The following MCCC1 variants were observed in gnomAD, a reference collection of about 807,000 sequenced individuals.
MCCC1 encodes the protein methylcrotonyl-CoA carboxylase subunit 1.
MCCC1 carries 64 observed loss-of-function variants against 83.8 expected under a neutral mutation model. The ratio of observed to expected loss-of-function variants is 0.76; its 90% confidence interval spans 0.62 to 0.94. MCCC1 has a LOEUF of 0.94. MCCC1 is among the 40% of genes least tolerant of loss of function. The pLI, the probability that MCCC1 is intolerant of heterozygous loss-of-function variation, is 0.00. For synonymous variants in MCCC1, 322 were observed against 315.4 expected (o/e 1.02, Z -0.22); for missense variants, 807 against 904.7 (o/e 0.89, Z 1.39).
intron 9 of MCCC1, among the ~76,000 whole-genome samples, chr3:183,049,786 T>C (rs1324762791): frequency 6.6e-6 from 1 of 152,072 alleles, no homozygotes. Flanking sequence ...ATGAACCAAT[T>C]CCTTCAAAGA....
rs1408027775 is a variant in MCCC1 at position 183,099,399 on chromosome 3, C to T, written c.42G>A (p.Ala14=). 4 of 1,605,960 alleles carry T rather than the reference C, an allele frequency of 2.5e-6. No individual in the cohort carries two copies. Among genetic ancestry groups the T allele is most frequent in the African/African-American group, 1.3e-5 (1 of 74,850 alleles). ...GGAGACGATGCCACCGGTTCCTCTCCGCCGCCACCAGCAGCACCGACACCG... is the reference window on the plus strand; with the variant it reads ...GGAGACGATGCCACCGGTTCCTCTCTGCCGCCACCAGCAGCACCGACACCG... The part of the protein sequence containing the change: ...ASAVSVLLVA[A]ERNRWHRLPS... The change falls in exon 1 of 19, where the codon GCG becomes GCA. Residue 14 remains alanine (A), a synonymous_variant. Transcript: ENST00000265594.
At chr3:183,030,088 G>A (rs1712928758) in intron 14 of MCCC1, among the ~76,000 whole-genome samples, 1 of 152,104 alleles carries the variant, frequency 6.6e-6, no homozygotes, top group African/African-American at 2.4e-5. Flanking sequence ...TGGGCGGATA[G>A]CCTGAGGTCA....
intron 7 of MCCC1, among the ~76,000 whole-genome samples, chr3:183,059,405 T>C (rs1715662678): frequency 6.6e-6 from 1 of 152,250 alleles, no homozygotes; most frequent in African/African-American, 2.4e-5. Context: ...TTAATAAAAT[T>C]CTTGGAGCTG....
At chr3:183,099,018 G>A in intron 1 of MCCC1, 1 of 490,708 alleles carries the variant, frequency 2.0e-6, no homozygotes, top group Non-Finnish European at 3.7e-6. Context: ...CCACCTAAGG[G>A]GTGCTGCGAA....
In MCCC1 at chr3:183,052,039, C is replaced by T. The variant is rs141467938; in HGVS notation, c.955+120G>A. On this transcript the variant is annotated intron_variant, in intron 9 of 18. Coordinates refer to ENST00000265594, the MANE Select transcript of MCCC1 (RefSeq NM_020166.5). The stretch of plus-strand genomic sequence containing the variant: ...GTCTCAATATAAAATGTATTTCTTA[C>T]TGTGAATATGGTCAAAACAGCTTGA... The T allele has an allele frequency of 6.7e-5, 56 of 836,650 alleles. 1 individual carries two copies. The highest frequency in any genetic ancestry group is 2.3e-4 in the East Asian group (9 of 38,568). The allele number at this position is 836,650 out of a possible 1,614,324, so 51.8% of individuals were successfully genotyped here.
chr3:183,110,393 A>ATTTTT (rs57833543), intron 1 of MCCC1, among the ~76,000 whole-genome samples: 1 of 129,556 alleles, frequency 7.7e-6, no homozygotes, highest in Non-Finnish European at 1.7e-5. Context: ...TTTAGTCACA[A>ATTTTT]TTTTTTTTTT....
Position 183,057,430 on chromosome 3 carries a change from A to G in MCCC1, c.762-8T>C, listed in dbSNP as rs1482382657. 2 of 1,583,200 alleles carry G rather than the reference A, an allele frequency of 1.3e-6. No homozygotes were observed. Among genetic ancestry groups the G allele is most frequent in the Non-Finnish European group, 1.7e-6 (2 of 1,157,568 alleles). ...ACCTGGACTTCTACATGCCTATATA[A>G]AAGCAAACATGTATGTTAATATATT... On this transcript the variant is annotated splice_region_variant and splice_polypyrimidine_tract_variant and intron_variant, in intron 7 of 18. Transcript: ENST00000265594.
chr3:183,086,892 C>A (rs1170558327), intron 3 of MCCC1, 104 bp from the exon 4 acceptor site: 5 of 1,021,304 alleles, frequency 4.9e-6, no homozygotes, highest in Non-Finnish European at 7.5e-6. Flanking sequence ...AATAAAAATG[C>A]CACTCCCTCA....
At chr3:183,050,230 A>G (rs1366194158) in intron 9 of MCCC1, among the ~76,000 whole-genome samples, 1 of 152,192 alleles carries the variant, frequency 6.6e-6, no homozygotes, top group Admixed American at 6.5e-5. Flanking sequence ...TATATTTATT[A>G]AAGAGATTAA....
intron 13 of MCCC1, among the ~76,000 whole-genome samples, chr3:183,036,389 G>A (rs1713593820): frequency 6.6e-6 from 1 of 152,112 alleles, no homozygotes; most frequent in Non-Finnish European, 1.5e-5. Flanking sequence ...GTCTTAGATT[G>A]TCTTGAGACT....
chr3:183,017,640 C>G, intron 17 of MCCC1: 1 of 387,132 alleles, frequency 2.6e-6, no homozygotes, highest in Admixed American at 4.0e-5. Flanking sequence ...AATCTGAGAC[C>G]TACAGCCCAA....
At chr3:183,061,604 A>T (rs563488034) in intron 7 of MCCC1, among the ~76,000 whole-genome samples, 5 of 152,338 alleles carry the variant, frequency 3.3e-5, no homozygotes, top group African/African-American at 1.2e-4. Flanking sequence ...CAAAATTCCC[A>T]TGCAAGTGTT....
Position 183,041,619 on chromosome 3 carries a change from G to C in MCCC1, c.1215C>G (p.Leu405=). ...FMPVAGPLVH[L]STPRADPSTR... ...TGGAAGGGTCTGCTCGAGGAGTAGAGAGGTGCACTAATGGGCCTGCCACAG... is the reference window on the plus strand; with the variant it reads ...TGGAAGGGTCTGCTCGAGGAGTAGACAGGTGCACTAATGGGCCTGCCACAG... The change falls in exon 11 of 19, where the codon CTC becomes CTG. Residue 405 remains leucine (L), a synonymous_variant. Transcript: ENST00000265594. 1.2e-6 allele frequency: 2 copies of C among 1,614,202 alleles called. No homozygotes were observed. Among genetic ancestry groups the C allele is most frequent in the Non-Finnish European group, 1.7e-6 (2 of 1,180,026 alleles).
chr3:183,043,454 T>C (rs1324293699), intron 10 of MCCC1, among the ~76,000 whole-genome samples: 1 of 152,216 alleles, frequency 6.6e-6, no homozygotes, highest in East Asian at 1.9e-4. Context: ...AACCTTGACA[T>C]TTTCACCAGC....
At chr3:183,040,605 C>T (rs1386366595) in intron 11 of MCCC1, among the ~76,000 whole-genome samples, 1 of 150,232 alleles carries the variant, frequency 6.7e-6, no homozygotes, top group Non-Finnish European at 1.5e-5. Flanking sequence ...CACCTGTAAT[C>T]CCAGCTACTC....
At chr3:183,024,425 C>G (rs1209563520) in intron 15 of MCCC1, among the ~76,000 whole-genome samples, 1 of 151,830 alleles carries the variant, frequency 6.6e-6, no homozygotes, top group Non-Finnish European at 1.5e-5. Context: ...TCAATTTATC[C>G]TATAACTTAA....
chr3:183,115,262 C>G (rs1414591800), intron 1 of MCCC1, among the ~76,000 whole-genome samples: 1 of 152,214 alleles, frequency 6.6e-6, no homozygotes, highest in Non-Finnish European at 1.5e-5. Flanking sequence ...CCAGGGCCAC[C>G]CAGGCATCTC....
At chr3:183,034,307 T>C (rs982749188) in intron 13 of MCCC1, among the ~76,000 whole-genome samples, 2 of 151,762 alleles carry the variant, frequency 1.3e-5, no homozygotes, top group African/African-American at 4.8e-5. Context: ...AAAAATTAGC[T>C]GGGCATGGTG....
At chr3:183,065,044 G>A (rs939674753) in intron 7 of MCCC1, among the ~76,000 whole-genome samples, 7 of 151,188 alleles carry the variant, frequency 4.6e-5, no homozygotes, top group South Asian at 2.1e-4. Flanking sequence ...GGATTTGTGA[G>A]GCTAGTCTTA....
Sources: allele counts gnomAD v4.1 joint callset (sites outside exome capture counted in the v4.1 genomes callset), GRCh38; gene constraint gnomAD v4.1.1; transcripts MANE v1.5; gene names NCBI Gene and HGNC (gene_info 2026-07-23, HGNC 2026-07-21).